Variants in PCDHA7 observed in about 807,000 individuals in gnomAD.
PCDHA7 encodes the protein protocadherin alpha-7.
A neutral mutation model predicts 57.2 loss-of-function variants in PCDHA7; 37 were observed. That is an observed-to-expected ratio of 0.65 (90% CI 0.50 to 0.85). The LOEUF is 0.85. Among genes scored for constraint, PCDHA7 ranks in the 40% least tolerant of loss-of-function variants. The pLI, the probability that PCDHA7 is intolerant of heterozygous loss-of-function variation, is 0.00. For missense variants in PCDHA7, 1,188 were observed against 1,241.8 expected, an observed-to-expected ratio of 0.96 and a Z score of 0.65; for synonymous variants, 553 against 558.8, an observed-to-expected ratio of 0.99 and a Z score of 0.15.
chr5:140,954,750 T>C (rs1045434392), intron 1 of PCDHA7, among the ~76,000 whole-genome samples: 7 of 152,228 alleles, frequency 4.6e-5, no homozygotes, highest in Non-Finnish European at 2.9e-5. Flanking sequence ...TAGTTTCTTT[T>C]GCTGTGCAGA....
intron 1 of PCDHA7, among the ~76,000 whole-genome samples, chr5:140,906,125 T>G (rs1168148239): frequency 6.6e-6 from 1 of 152,028 alleles, no homozygotes; most frequent in Non-Finnish European, 1.5e-5. Flanking sequence ...GACACAAATG[T>G]TAGTCTCCTT....
intron 1 of PCDHA7, among the ~76,000 whole-genome samples, chr5:140,918,282 C>CT (rs1554198523): frequency 6.6e-6 from 1 of 152,016 alleles, no homozygotes; most frequent in African/African-American, 2.4e-5. Context: ...GATGTAGGAG[C>CT]TTTTTGGCAG....
chr5:140,848,601 C>T (rs2150414189), intron 1 of PCDHA7: 4 of 1,593,618 alleles, frequency 2.5e-6, no homozygotes, highest in Admixed American at 3.4e-5. Context: ...CTACTCCGTC[C>T]CGGAGGAAGC....
At chr5:140,876,251 G>T in intron 1 of PCDHA7, 1 of 1,614,008 alleles carries the variant, frequency 6.2e-7, no homozygotes, top group South Asian at 1.1e-5. Context: ...AACGACACAA[G>T]AGTGATCCAA....
In PCDHA7 at chr5:140,852,588, T is replaced by TTA. The variant is rs1554145946; in HGVS notation, c.2355+15851_2355+15852insAT. On this transcript the variant is annotated intron_variant, in intron 1 of 3. Coordinates refer to ENST00000525929, the MANE Select transcript of PCDHA7 (RefSeq NM_018910.3). ...ACTGTGCCAAGGCTTTTTTATTTTTTTTTTTTGTCATTTTCTTTCAAAACT... is the reference window on the plus strand; with the variant it reads ...ACTGTGCCAAGGCTTTTTTATTTTTTTATTTTTTGTCATTTTCTTTCAAAACT... 1.7e-5 allele frequency: 15 copies of TTA among 881,508 alleles called. 1 individual carries two copies. The highest frequency in any genetic ancestry group is 1.9e-5 in the Non-Finnish European group (14 of 723,686). The allele number at this position is 881,508 out of a possible 1,614,324, so 54.6% of individuals were successfully genotyped here. A position where few individuals can be genotyped will look rare whatever the true frequency, so the allele number is the denominator to read the frequency against.
At chr5:140,904,412 A>C (rs1554191488) in intron 1 of PCDHA7, among the ~76,000 whole-genome samples, 2 of 150,986 alleles carry the variant, frequency 1.3e-5, no homozygotes, top group Non-Finnish European at 2.9e-5. Context: ...TATATATATA[A>C]TACATATATT....
intron 1 of PCDHA7, chr5:140,843,314 G>A (rs2150357213): frequency 6.3e-7 from 1 of 1,596,084 alleles, no homozygotes; most frequent in South Asian, 1.1e-5. Flanking sequence ...CACGGCCACG[G>A]TTCTGGTGTC....
At position 140,841,506 on chromosome 5, in the gene PCDHA7, G is replaced by C. The variant is rs2150316870; in HGVS notation, c.2355+4768G>C. ...CTGGAGCTGGCGGAGCTGGTGCCGC[G>C]CCTGTTCCGGGTGGCGTCCAAAAGA... On this transcript the variant is annotated intron_variant, in intron 1 of 3. Coordinates refer to ENST00000525929, the MANE Select transcript of PCDHA7 (RefSeq NM_018910.3). 4 of 1,613,388 alleles carry C rather than the reference G, an allele frequency of 2.5e-6. No homozygotes were observed. Among genetic ancestry groups the C allele is most frequent in the Admixed American group, 1.7e-5 (1 of 60,006 alleles).
intron 1 of PCDHA7, chr5:140,849,159 C>T (rs1554142780): frequency 2.5e-6 from 3 of 1,184,538 alleles, no homozygotes; most frequent in Non-Finnish European, 3.5e-6. Context: ...CAAACCCGAG[C>T]TGACTGGCAC....
intron 1 of PCDHA7, among the ~76,000 whole-genome samples, chr5:140,935,606 T>C (rs531169810): frequency 6.6e-6 from 1 of 152,352 alleles, no homozygotes; most frequent in East Asian, 1.9e-4. Flanking sequence ...GAGCTAGGCT[T>C]TTTTCAAGTC....
chr5:140,835,647 G>A lies in PCDHA7; in HGVS notation c.1264G>A (p.Glu422Lys). The A allele has an allele frequency of 6.2e-7, 1 of 1,613,958 alleles. No individual in the cohort carries two copies. The highest frequency in any genetic ancestry group is 8.5e-7 in the Non-Finnish European group (1 of 1,179,882). The change falls in exon 1 of 4, where the codon GAG (glutamate) becomes AAG (lysine). Residue 422 changes from glutamate to lysine, a missense_variant. Glu to Lys is a moderately conservative substitution (Grantham distance 56). This residue lies in a region of PCDHA7 where 892 missense variants were observed against 788.5 expected (regional missense o/e 1.13). Coordinates refer to ENST00000525929, the MANE Select transcript of PCDHA7 (RefSeq NM_018910.3). ...GGACCGCGAGAGTGTGTCCGCCTAT[G>A]AGCTGGTGGTTACCGCGCGGGACGG... ...ALDRESVSAYELVVTARDGGS... is the reference protein window; with the variant it reads ...ALDRESVSAYKLVVTARDGGS...
chr5:140,861,433 C>T (rs1177274871), intron 1 of PCDHA7: 1 of 489,666 alleles, frequency 2.0e-6, no homozygotes, highest in Non-Finnish European at 4.2e-6. Context: ...CAGTTGGATT[C>T]CAAAAGCCGC....
At chr5:140,972,091 C>G (rs1169233514) in intron 1 of PCDHA7, among the ~76,000 whole-genome samples, 3 of 152,164 alleles carry the variant, frequency 2.0e-5, no homozygotes, top group African/African-American at 4.8e-5. Context: ...AGAGTAATTT[C>G]TGGCATAGAA....
intron 1 of PCDHA7, chr5:140,967,023 G>C: frequency 6.2e-7 from 1 of 1,608,162 alleles, no homozygotes; most frequent in Non-Finnish European, 8.5e-7. Context: ...GGTGCGCCCA[G>C]TCCGCGCTAC....
chr5:140,875,688 G>A (rs1554167865), intron 1 of PCDHA7: 7 of 1,614,004 alleles, frequency 4.3e-6, no homozygotes, highest in Non-Finnish European at 4.2e-6. Context: ...AAAGACACGG[G>A]GACCTTCTGG....
At chr5:140,881,259 C>A in intron 1 of PCDHA7, 1 of 524,594 alleles carries the variant, frequency 1.9e-6, no homozygotes, top group Non-Finnish European at 2.4e-6. Flanking sequence ...AGGTTTTACT[C>A]AGTGATGATG....
At chr5:140,969,149 G>A (rs782510891) in intron 1 of PCDHA7, 89 of 1,614,002 alleles carry the variant, frequency 5.5e-5, no homozygotes, top group Non-Finnish European at 6.8e-5. Context: ...CTGCTACAAG[G>A]CCTGTCTGAC....
At chr5:140,917,863 G>A (rs182359679) in intron 1 of PCDHA7, among the ~76,000 whole-genome samples, 1 of 151,750 alleles carries the variant, frequency 6.6e-6, no homozygotes, top group East Asian at 1.9e-4. Context: ...GGATTGCTTT[G>A]ACTATTTGGG....
At chr5:140,962,622 G>A (rs1389569825) in intron 1 of PCDHA7, among the ~76,000 whole-genome samples, 2 of 152,130 alleles carry the variant, frequency 1.3e-5, no homozygotes, top group African/African-American at 2.4e-5. Context: ...AGGGAGATGT[G>A]AAAAAATTTA....
Sources: gnomAD v4.1 joint callset for allele counts (sites outside exome capture counted in the v4.1 genomes callset) on GRCh38, gnomAD v4.1.1 for gene constraint, gnomAD v4.1.1 regional missense constraint, MANE v1.5 for transcripts, NCBI Gene and HGNC (gene_info 2026-07-23, HGNC 2026-07-21) for gene names.